FHAD1: variants seen among roughly 807,000 people sequenced by gnomAD.
FHAD1 encodes the protein forkhead associated phosphopeptide binding domain 1, also known as forkhead-associated domain-containing protein 1.
In FHAD1, 146 loss-of-function variants were observed where a neutral mutation model predicts 191.3. That is an observed-to-expected ratio of 0.76 (90% CI 0.67 to 0.88). The LOEUF (loss-of-function observed/expected upper bound fraction) is 0.88, where lower values mean the gene tolerates loss of function less well. FHAD1 is among the 40% of genes least tolerant of loss of function. FHAD1 has a pLI of 0.00. For missense variants in FHAD1, 1,635 were observed against 1,785.8 expected, an observed-to-expected ratio of 0.92 and a Z score of 1.52; for synonymous variants, 616 against 672.3, an observed-to-expected ratio of 0.92 and a Z score of 1.29.
chr1:15,354,423 AC>A (rs1692004264), intron 20 of FHAD1, among the ~76,000 whole-genome samples: 1 of 152,198 alleles, frequency 6.6e-6, no homozygotes, highest in Non-Finnish European at 1.5e-5. Flanking sequence ...GAGAAGGCAG[AC>A]GAGAGTTGGG....
Position 15,398,170 on chromosome 1 carries a change from G to A in FHAD1, c.*757G>A, listed in dbSNP as rs1397981491. The A allele has an allele frequency of 4.0e-5, 6 of 151,136 alleles. No individual in the cohort carries two copies. Among genetic ancestry groups the A allele is most frequent in the Non-Finnish European group, 7.4e-5 (5 of 67,798 alleles). 9.4% of individuals were successfully genotyped at this position (151,136 alleles called of 1,614,324 possible). On this transcript the variant is annotated 3_prime_UTR_variant, in exon 34 of 34. Transcript: ENST00000688493. ...GCTGGGCCTGTAATCCCAGCTACTC[G>A]GGAGGCTGAGACAGGAGAATCACTT...
chr1:15,290,949 T>C (rs998824837), intron 4 of FHAD1, among the ~76,000 whole-genome samples: 3 of 151,966 alleles, frequency 2.0e-5, no homozygotes, highest in Non-Finnish European at 4.4e-5. Flanking sequence ...CTCCTGACCT[T>C]GTGATCCGCC....
At chr1:15,247,041 T>C (rs538677493), upstream of FHAD1, among the ~76,000 whole-genome samples, 14 of 152,332 alleles carry the variant, frequency 9.2e-5, no homozygotes, top group African/African-American at 2.9e-4. Flanking sequence ...CTGTAAAACC[T>C]TGGGCCATTT....
intron 2 of FHAD1, among the ~76,000 whole-genome samples, chr1:15,271,647 A>T (rs1205174286): frequency 6.6e-6 from 1 of 152,250 alleles, no homozygotes; most frequent in African/African-American, 2.4e-5. Flanking sequence ...TTGTACATCA[A>T]GGTTTTTCAA....
chr1:15,355,808 G>A (rs185965931), intron 20 of FHAD1, among the ~76,000 whole-genome samples: 2 of 152,118 alleles, frequency 1.3e-5, no homozygotes, highest in African/African-American at 4.8e-5. Context: ...GGTACACAGA[G>A]GATGCAGCAA....
At chr1:15,314,793 TGTG>T (rs376697979) in intron 8 of FHAD1, among the ~76,000 whole-genome samples, 2,539 of 81,504 alleles carry the variant, frequency 0.031, 38 homozygotes, top group Non-Finnish European at 0.042. Flanking sequence ...GGATGTGTGG[TGTG>T]GGGGTGAATG....
In FHAD1 at chr1:15,367,606, C is replaced by T; in HGVS notation, c.3298C>T (p.Leu1100Phe). ...VEKKDRELKA[L>F]EEALRASQEK... is the part of the protein sequence containing the mutation. ...AAAGAAAGATCGGGAGCTGAAGGCC[C>T]TTGAGGAGGCACTCAGGTTGGGTGG... Residue 1100 changes from leucine to phenylalanine, a missense_variant, in exon 25 of 34, where the codon CTT (leucine) becomes TTT (phenylalanine). Coordinates refer to ENST00000688493, the MANE Select transcript of FHAD1 (RefSeq NM_001391957.1). The T allele has an allele frequency of 1.8e-6, 2 of 1,134,298 alleles. No homozygotes were observed. Among genetic ancestry groups the T allele is most frequent in the African/African-American group, 1.8e-5 (1 of 55,526 alleles). The allele number at this position is 1,134,298 out of a possible 1,614,324, so 70.3% of individuals were successfully genotyped here.
intron 4 of FHAD1, among the ~76,000 whole-genome samples, chr1:15,290,548 C>T (rs1394147466): frequency 1.3e-5 from 2 of 152,150 alleles, no homozygotes; most frequent in African/African-American, 4.8e-5. Context: ...ATCATTATTA[C>T]TGTGACATAC....
At chr1:15,252,000 C>T in intron 2 of FHAD1, 123 bp downstream of exon 2, 1 of 815,058 alleles carries the variant, frequency 1.2e-6, no homozygotes. Context: ...AGCAGCCATA[C>T]CTTTCCTTGG....
chr1:15,376,332 C>T (rs191686956), intron 28 of FHAD1, among the ~76,000 whole-genome samples: 4 of 152,170 alleles, frequency 2.6e-5, no homozygotes, highest in South Asian at 4.2e-4. Flanking sequence ...CCTCATGATC[C>T]GCCCGCCTCG....
At chr1:15,324,910 A>G (rs922785627) in intron 11 of FHAD1, 15 of 307,200 alleles carry the variant, frequency 4.9e-5, no homozygotes, top group African/African-American at 3.2e-4. Flanking sequence ...ATTTACCACA[A>G]TCTTTCTTCC....
chr1:15,316,247 C>G lies in FHAD1; in HGVS notation c.1171-131C>G, dbSNP rs1196505346. The G allele has an allele frequency of 2.9e-6, 2 of 682,404 alleles. No homozygotes were observed. Among genetic ancestry groups the G allele is most frequent in the Non-Finnish European group, 5.1e-6 (2 of 395,650 alleles). 42.3% of individuals were successfully genotyped at this position (682,404 alleles called of 1,614,324 possible). The stretch of plus-strand genomic sequence containing the variant: ...CACCATGGGATGCCTTTTGGGATCT[C>G]AGTGCGTGACTGGATGGAAACAGCA... On this transcript the variant is annotated intron_variant, in intron 8 of 33. Coordinates refer to ENST00000688493, the MANE Select transcript of FHAD1 (RefSeq NM_001391957.1). The surrounding 1 kb of genome is among the most constrained non-coding windows in gnomAD (Gnocchi z 4.3).
intron 26 of FHAD1, among the ~76,000 whole-genome samples, chr1:15,372,588 G>T (rs148487951): frequency 6.6e-6 from 1 of 152,172 alleles, no homozygotes; most frequent in Admixed American, 6.5e-5. Context: ...CCGGCATGCA[G>T]CCACTGCTAC....
At chr1:15,251,455 A>G (rs922939078) in intron 1 of FHAD1, among the ~76,000 whole-genome samples, 4 of 152,160 alleles carry the variant, frequency 2.6e-5, no homozygotes, top group Non-Finnish European at 5.9e-5. Flanking sequence ...GTGGAGAGCA[A>G]TCATCACTGG....
intron 5 of FHAD1, among the ~76,000 whole-genome samples, chr1:15,297,309 C>T (rs1667288152): frequency 6.6e-6 from 1 of 152,174 alleles, no homozygotes; most frequent in Non-Finnish European, 1.5e-5. Context: ...TTGAAGCAAA[C>T]TTGGGAAGGA....
intron 15 of FHAD1, 23 bp from the exon 16 acceptor site, chr1:15,341,713 G>C (rs181160500): frequency 6.5e-7 from 1 of 1,540,510 alleles, no homozygotes; most frequent in South Asian, 1.2e-5. Context: ...CATCAGCATC[G>C]GTTTACTTTT....
intron 14 of FHAD1, chr1:15,334,499 A>G (rs1361841662): frequency 6.6e-6 from 1 of 152,248 alleles, no homozygotes; most frequent in Non-Finnish European, 1.5e-5. Flanking sequence ...TACCACTGCC[A>G]AGGCTTGAAT....
chr1:15,345,496 G>C lies in FHAD1; in HGVS notation c.2319G>C (p.Leu773=), dbSNP rs951452849. The change falls in exon 18 of 34, where the codon CTG becomes CTC. Residue 773 remains leucine (L), a synonymous_variant. Coordinates refer to ENST00000688493, the MANE Select transcript of FHAD1 (RefSeq NM_001391957.1). ...LEEEQTRVQE[L]EERLARQKEV... is the part of the protein sequence containing the mutation. ...AAGAGCAGACAAGAGTCCAAGAGCT[G>C]GAGGAACGCTTGGCCCGCCAGAAGG... 5 of 1,552,046 alleles carry C rather than the reference G, an allele frequency of 3.2e-6. No homozygotes were observed. Among genetic ancestry groups the C allele is most frequent in the Admixed American group, 2.0e-5 (1 of 50,990 alleles).
rs528388458 is a variant in FHAD1 at position 15,276,961 on chromosome 1, A to G, written c.300+4432A>G. ...AGTAGTAACACTGACTCCCTGCCTAAGTGTCAGGCGTGTGAAATCCAAGTC... is the reference window on the plus strand; with the variant it reads ...AGTAGTAACACTGACTCCCTGCCTAGGTGTCAGGCGTGTGAAATCCAAGTC... On this transcript the variant is annotated intron_variant, in intron 3 of 33. Transcript: ENST00000688493. The surrounding 1 kb of genome is among the most constrained non-coding windows in gnomAD (Gnocchi z 4.7). 6.6e-6 allele frequency among the ~76,000 whole-genome samples: 1 copy of G among 152,234 alleles called. No homozygotes were observed. The highest frequency in any genetic ancestry group is 2.1e-4 in the South Asian group (1 of 4,820).
Sources: gnomAD v4.1 joint callset for allele counts (sites outside exome capture counted in the v4.1 genomes callset) on GRCh38, gnomAD v4.1.1 for gene constraint, Gnocchi (gnomAD v3.1) non-coding constraint, MANE v1.5 for transcripts, NCBI Gene and HGNC (gene_info 2026-07-23, HGNC 2026-07-21) for gene names.